Variants in ZFX observed in about 807,000 individuals in gnomAD.
ZFX encodes zinc finger protein X-linked, also known as zinc finger X-chromosomal protein.
For synonymous variants in ZFX, 196 were observed against 226.8 expected, an observed-to-expected ratio of 0.86 and a Z score of 1.22; for missense variants, 362 against 628.3, an observed-to-expected ratio of 0.58 and a Z score of 4.53.
chrX:24,195,950 G>A (rs1334352230), intron 5 of ZFX, among the ~76,000 whole-genome samples: 2 of 112,115 alleles, frequency 1.8e-5, no homozygotes, highest in Non-Finnish European at 3.8e-5. Context: ...TAGAATTTAA[G>A]TAATACATTA....
At chrX:24,157,133 A>G (rs1400204204) in intron 3 of ZFX, among the ~76,000 whole-genome samples, 1 of 112,239 alleles carries the variant, frequency 8.9e-6, no homozygotes, top group Non-Finnish European at 1.9e-5. Context: ...GATAAATGCT[A>G]ATAGAGCTGG....
chrX:24,188,097 G>A (rs1030947473), intron 5 of ZFX, among the ~76,000 whole-genome samples: 1 of 109,742 alleles, frequency 9.1e-6, no homozygotes, highest in Non-Finnish European at 1.9e-5. Context: ...GTTCGAATAC[G>A]GGAGGCAGAG....
upstream of ZFX, chrX:24,149,116 C>G (rs1931640102): frequency 9.2e-6 from 1 of 108,406 alleles, no homozygotes; most frequent in Non-Finnish European, 1.9e-5. Context: ...TAAGCGAAGG[C>G]AGGGGACGGC....
Position 24,207,490 on chromosome X carries a change from T to G in ZFX, c.796+15T>G, listed in dbSNP as rs368030930. On this transcript the variant is annotated intron_variant, in intron 6 of 9. Coordinates refer to ENST00000304543, the MANE Select transcript of ZFX (RefSeq NM_003410.4). The stretch of plus-strand genomic sequence containing the variant: ...AGATGACTTAGGTAAGAAGAAGTGT[T>G]TAGACATTATACATCCTCATCCAAA... 1.6e-5 allele frequency: 19 copies of G among 1,201,331 alleles called. No individual in the cohort carries two copies. The highest frequency in any genetic ancestry group is 1.7e-5 in the Non-Finnish European group (15 of 891,597).
intron 3 of ZFX, among the ~76,000 whole-genome samples, chrX:24,155,979 C>T (rs1182899736): frequency 1.8e-5 from 2 of 112,152 alleles, no homozygotes; most frequent in Admixed American, 1.9e-4. Context: ...TCACTGTAGC[C>T]TCTGCCTCCC....
chrX:24,162,751 G>GT (rs1158673390), intron 3 of ZFX, among the ~76,000 whole-genome samples: 1 of 111,384 alleles, frequency 9.0e-6, no homozygotes, highest in South Asian at 3.7e-4. Context: ...CATTTCAGTG[G>GT]TTTTTTAGTA....
chrX:24,158,352 CAAACAA>C (rs1932915688), intron 3 of ZFX, among the ~76,000 whole-genome samples: 1 of 110,809 alleles, frequency 9.0e-6, no homozygotes, highest in Admixed American at 9.6e-5. Context: ...AACAAACAAA[CAAACAA>C]AACAAACCAA....
intron 3 of ZFX, among the ~76,000 whole-genome samples, chrX:24,158,403 A>G (rs1372924900): frequency 1.8e-5 from 2 of 111,549 alleles, no homozygotes; most frequent in African/African-American, 6.5e-5. Context: ...TCTTTTGTAT[A>G]TAGTTTTCAT....
Position 24,211,423 on chromosome X carries a change from A to G in ZFX, c.*47A>G. The G allele has an allele frequency of 8.5e-7, 1 of 1,177,130 alleles. No homozygotes were observed. Among genetic ancestry groups the G allele is most frequent in the Middle Eastern group, 2.3e-4 (1 of 4,259 alleles). The stretch of plus-strand genomic sequence containing the variant: ...GTAGAGATATTGGCCTTGAAGCAGA[A>G]AATTCATTTTAAAGCCAATCAGTCT... On this transcript the variant is annotated 3_prime_UTR_variant, in exon 10 of 10. Transcript: ENST00000304543.
intron 3 of ZFX, among the ~76,000 whole-genome samples, chrX:24,156,600 T>C (rs1181007005): frequency 9.0e-6 from 1 of 111,016 alleles, no homozygotes; most frequent in Non-Finnish European, 1.9e-5. Flanking sequence ...TTTCTCTCTT[T>C]TGGTTTCATT....
At chrX:24,204,863 C>T (rs947165226) in intron 5 of ZFX, among the ~76,000 whole-genome samples, 12 of 111,914 alleles carry the variant, frequency 1.1e-4, no homozygotes, top group African/African-American at 3.9e-4. Flanking sequence ...GTAGTACTTA[C>T]CATAATCACT....
rs778016524 is a variant in ZFX at position 24,170,647 on chromosome X, A to G, written c.-28-2068A>G. ...TTTTTTTGAGACGGAGTGTTGCTCT[A>G]TGGCCCAGGCTGGAGTGCAATGGCA... On this transcript the variant is annotated intron_variant, in intron 3 of 9. Transcript: ENST00000304543. Among the ~76,000 whole-genome samples, 15 of 72,609 alleles carry G rather than the reference A, an allele frequency of 2.1e-4. No homozygotes were observed. The South Asian group carries it at 8.3e-3, about 40-fold the overall frequency. The allele number at this position is 72,609 out of a possible 115,157, so 63.1% of individuals were successfully genotyped here.
intron 3 of ZFX, among the ~76,000 whole-genome samples, chrX:24,170,156 AT>A (rs63450861): frequency 0.37 from 32,769 of 87,465 alleles, 5,044 homozygotes; most frequent in South Asian, 0.68. Context: ...AATGCTTAGA[AT>A]TTTTTTTTTT....
chrX:24,181,507 A>G (rs752688008), intron 5 of ZFX, among the ~76,000 whole-genome samples: 1 of 112,039 alleles, frequency 8.9e-6, no homozygotes, highest in Admixed American at 9.5e-5. Context: ...CCAGGCATAT[A>G]GTATAGTGTA....
intron 5 of ZFX, among the ~76,000 whole-genome samples, chrX:24,195,438 C>T (rs753595187): frequency 6.4e-5 from 7 of 109,670 alleles, no homozygotes; most frequent in African/African-American, 2.3e-4. Context: ...CTGCAAGCTC[C>T]GCCTCCCGGG....
At chrX:24,184,406 A>G (rs967330365) in intron 5 of ZFX, among the ~76,000 whole-genome samples, 2 of 111,412 alleles carry the variant, frequency 1.8e-5, no homozygotes, top group Non-Finnish European at 3.8e-5. Context: ...AGTAAAATGC[A>G]TGGTATTGGT....
chrX:24,194,967 C>T (rs1285917847), intron 5 of ZFX, among the ~76,000 whole-genome samples: 4 of 110,359 alleles, frequency 3.6e-5, no homozygotes, highest in African/African-American at 6.6e-5. Context: ...AGGCTGATCT[C>T]GAACTCCTGA....
intron 5 of ZFX, among the ~76,000 whole-genome samples, chrX:24,183,703 G>A (rs1187096422): frequency 1.8e-5 from 2 of 108,583 alleles, no homozygotes; most frequent in Non-Finnish European, 3.8e-5. Context: ...CAGGCTATGT[G>A]TATAAGGTGT....
At chrX:24,196,989 A>G (rs1020127411) in intron 5 of ZFX, among the ~76,000 whole-genome samples, 3 of 112,151 alleles carry the variant, frequency 2.7e-5, no homozygotes, top group Non-Finnish European at 3.7e-5. Flanking sequence ...CACTAGCCAC[A>G]TATTTGGCTA....
Sources: gnomAD v4.1 joint callset for allele counts (sites outside exome capture counted in the v4.1 genomes callset) on GRCh38, gnomAD v4.1.1 for gene constraint, MANE v1.5 for transcripts, NCBI Gene and HGNC (gene_info 2026-07-23, HGNC 2026-07-21) for gene names.